The following PCDH15 variants were observed in gnomAD, a reference collection of about 807,000 sequenced individuals.
PCDH15 encodes the protein protocadherin related 15.
A neutral mutation model predicts 178.5 loss-of-function variants in PCDH15; 129 were observed. That is an observed-to-expected ratio of 0.72 (90% CI 0.63 to 0.84). The LOEUF is 0.84. Ranked by LOEUF, PCDH15 falls within the 40% of genes least tolerant of loss-of-function variation. The pLI, the probability that PCDH15 is intolerant of heterozygous loss-of-function variation, is 0.00. For missense variants in PCDH15, 2,230 were observed against 2,099.9 expected, an observed-to-expected ratio of 1.06 and a Z score of -1.21; for synonymous variants, 800 against 732.0, an observed-to-expected ratio of 1.09 and a Z score of -1.50.
At chr10:54,300,366 T>C (rs955765476) in intron 8 of PCDH15, among the ~76,000 whole-genome samples, 10 of 152,172 alleles carry the variant, frequency 6.6e-5, no homozygotes, top group Non-Finnish European at 1.5e-4. Context: ...CTTGTCAAAT[T>C]TGTTTCCTCT....
intron 27 of PCDH15, among the ~76,000 whole-genome samples, chr10:53,864,858 G>T (rs939705599): frequency 1.1e-4 from 16 of 151,972 alleles, no homozygotes. Flanking sequence ...CCTTTGTTTC[G>T]TTCCTGTGTT....
chr10:55,382,320 C>T (rs949355683), intron 2 of PCDH15, among the ~76,000 whole-genome samples: 9 of 152,116 alleles, frequency 5.9e-5, no homozygotes, highest in Non-Finnish European at 8.8e-5. Flanking sequence ...ATTAAGGCTG[C>T]TAATCAGCTA....
intron 8 of PCDH15, among the ~76,000 whole-genome samples, chr10:54,278,630 G>T (rs2058486504): frequency 2.0e-5 from 3 of 151,516 alleles, no homozygotes; most frequent in Admixed American, 6.6e-5. Flanking sequence ...TTGAGACATT[G>T]TCATTCTTGG....
chr10:54,983,067 T>C (rs1202666407), intron 2 of PCDH15, among the ~76,000 whole-genome samples: 2 of 152,170 alleles, frequency 1.3e-5, no homozygotes, highest in Non-Finnish European at 2.9e-5. Context: ...TTTAAGCTTC[T>C]CTGAGTAGGC....
At chr10:54,777,480 T>C (rs1949834273) in intron 1 of PCDH15, among the ~76,000 whole-genome samples, 1 of 151,996 alleles carries the variant, frequency 6.6e-6, no homozygotes, top group Admixed American at 6.6e-5. Context: ...CTCATCTGGG[T>C]TAGAGGAGGA....
chr10:54,920,677 A>G (rs907648547), intron 2 of PCDH15, among the ~76,000 whole-genome samples: 1 of 152,124 alleles, frequency 6.6e-6, no homozygotes, highest in Non-Finnish European at 1.5e-5. Context: ...GCCTTCACTA[A>G]CAAGTGTGAA....
intron 3 of PCDH15, among the ~76,000 whole-genome samples, chr10:54,480,373 A>G (rs2136912435): frequency 6.6e-6 from 1 of 152,162 alleles, no homozygotes; most frequent in South Asian, 2.1e-4. Flanking sequence ...TCACTGCCAA[A>G]GAGATTCTCT....
intron 21 of PCDH15, among the ~76,000 whole-genome samples, chr10:53,967,018 G>A (rs181616307): frequency 8.1e-4 from 123 of 152,070 alleles, no homozygotes; most frequent in Non-Finnish European, 1.4e-3. Context: ...CCTCCCAAGA[G>A]GCTTGATATG....
intron 20 of PCDH15, among the ~76,000 whole-genome samples, chr10:54,005,783 C>T (rs144361201): frequency 2.4e-3 from 371 of 151,902 alleles, no homozygotes; most frequent in African/African-American, 8.2e-3. Context: ...AGCTATCATA[C>T]GATCCAGAAA....
intron 1 of PCDH15, among the ~76,000 whole-genome samples, chr10:54,703,409 T>C (rs2095333190): frequency 6.6e-6 from 1 of 151,742 alleles, no homozygotes; most frequent in African/African-American, 2.4e-5. Context: ...AAAATAAAAA[T>C]ATACAAATAG....
At chr10:54,167,955 C>T (rs1021949866) in intron 13 of PCDH15, among the ~76,000 whole-genome samples, 1 of 151,340 alleles carries the variant, frequency 6.6e-6, no homozygotes, top group African/African-American at 2.4e-5. Flanking sequence ...ACCCCCGAAC[C>T]CCTTCCCTCT....
chr10:55,171,842 T>C (rs1839340352), intron 1 of PCDH15, among the ~76,000 whole-genome samples: 1 of 151,930 alleles, frequency 6.6e-6, no homozygotes, highest in South Asian at 2.1e-4. Flanking sequence ...ATGTTCAAGA[T>C]GTTGAATGGC....
At position 54,686,041 on chromosome 10, in the gene PCDH15, A is replaced by ATT. The variant is rs66539612; in HGVS notation, c.-28-21753_-28-21752dup. 7.8e-4 allele frequency among the ~76,000 whole-genome samples: 99 copies of ATT among 126,868 alleles called. 2 individuals carry two copies. Among genetic ancestry groups the ATT allele is most frequent in the South Asian group, 1.0e-3 (4 of 3,902 alleles). The allele number at this position is 126,868 out of a possible 152,430, so 83.2% of individuals were successfully genotyped here. On this transcript the variant is annotated intron_variant, in intron 1 of 37. Coordinates refer to ENST00000644397, the MANE Select transcript of PCDH15 (RefSeq NM_001384140.1). ...CAAATCCAAGGGAGCAAGACAGCCA[A>ATT]TTTTTTTTTTTTTTTTTTGTATTTT...
At chr10:53,931,384 C>T (rs192018556) in intron 25 of PCDH15, among the ~76,000 whole-genome samples, 15 of 152,248 alleles carry the variant, frequency 9.9e-5, no homozygotes, top group East Asian at 1.9e-4. Flanking sequence ...ATATTTAAAA[C>T]GCTTCACAAT....
chr10:54,611,938 A>G (rs1355773645), intron 2 of PCDH15, among the ~76,000 whole-genome samples: 2 of 151,850 alleles, frequency 1.3e-5, no homozygotes, highest in African/African-American at 4.8e-5. Context: ...TTCCTCTTCT[A>G]TTGTTCAAAG....
intron 3 of PCDH15, among the ~76,000 whole-genome samples, chr10:54,868,735 A>G (rs1464988922): frequency 6.6e-6 from 1 of 152,202 alleles, no homozygotes; most frequent in Admixed American, 6.5e-5. Flanking sequence ...GAGTCAATAT[A>G]GATTAGTAGA....
chr10:54,820,969 G>A (rs1163021751), intron 3 of PCDH15, among the ~76,000 whole-genome samples: 1 of 152,026 alleles, frequency 6.6e-6, no homozygotes, highest in Non-Finnish European at 1.5e-5. Context: ...ATACTTGCAT[G>A]GAAAATGAAA....
chr10:55,606,997 A>T (rs929514361), intron 2 of PCDH15, among the ~76,000 whole-genome samples: 2 of 151,860 alleles, frequency 1.3e-5, no homozygotes, highest in Admixed American at 1.3e-4. Flanking sequence ...CAACCTACTC[A>T]TCTGACGAAG....
chr10:54,372,055 T>C lies in PCDH15; in HGVS notation c.319-2780A>G, dbSNP rs181295862. On this transcript the variant is annotated intron_variant, in intron 4 of 37. Transcript: ENST00000644397. ...TTACTACCAGCTTTCAAGTGTGTAA[T>C]AGACCTTTTAAGGCATGTCCAGCAT... Among the ~76,000 whole-genome samples, 578 of 152,008 alleles carry C rather than the reference T, an allele frequency of 3.8e-3. 4 individuals are homozygous for C. The highest frequency in any genetic ancestry group is 0.012 in the African/African-American group (519 of 41,546).
Sources: allele counts gnomAD v4.1 joint callset (sites outside exome capture counted in the v4.1 genomes callset), GRCh38; gene constraint gnomAD v4.1.1; transcripts MANE v1.5; gene names NCBI Gene and HGNC (gene_info 2026-07-23, HGNC 2026-07-21).